CTNNA2: variants seen among roughly 807,000 people sequenced by gnomAD.
The protein encoded by CTNNA2 is catenin alpha-2.
CTNNA2 carries 42 observed loss-of-function variants against 101.0 expected under a neutral mutation model. The observed-to-expected ratio is 0.42, with a 90% CI of 0.32 to 0.54. CTNNA2 has a LOEUF of 0.54. Ranked by LOEUF, CTNNA2 falls within the 20% of genes least tolerant of loss-of-function variation. The probability of loss-of-function intolerance (pLI) is 0.14; values close to 1 mark genes in which losing one functional copy is unlikely to be tolerated. For missense variants in CTNNA2, 871 were observed against 1,223.1 expected, an observed-to-expected ratio of 0.71 and a Z score of 4.29; for synonymous variants, 450 against 456.4, an observed-to-expected ratio of 0.99 and a Z score of 0.18.
chr2:80,005,217 A>G (rs1693252136), intron 7 of CTNNA2, among the ~76,000 whole-genome samples: 1 of 152,186 alleles, frequency 6.6e-6, no homozygotes, highest in Non-Finnish European at 1.5e-5. Flanking sequence ...AGTTGTGTGC[A>G]TATAGCTGTG....
intron 4 of CTNNA2, among the ~76,000 whole-genome samples, chr2:79,413,234 G>C (rs1243699465): frequency 1.3e-5 from 2 of 151,950 alleles, no homozygotes; most frequent in Non-Finnish European, 2.9e-5. Context: ...AATTTGAAAA[G>C]AGCTGCAATT....
Position 80,596,601 on chromosome 2 carries a change from C to T in CTNNA2, c.2189+7116C>T, listed in dbSNP as rs189961222. On this transcript the variant is annotated intron_variant, in intron 15 of 18. Transcript: ENST00000402739. Reference sequence around the variant, plus strand: ...TGCTGGGATTACAGGCCTGAGCCACCGCACCAGGCCAACAAGGGGTTTTTC... The same window carrying T: ...TGCTGGGATTACAGGCCTGAGCCACTGCACCAGGCCAACAAGGGGTTTTTC... Among the ~76,000 whole-genome samples the T allele has an allele frequency of 6.6e-4, 101 of 151,940 alleles. No individual in the cohort carries two copies. The South Asian group carries it at 7.9e-3, about 12-fold the overall frequency.
At position 79,491,403 on chromosome 2, in the gene CTNNA2, A is replaced by G. The variant is rs79860131; in HGVS notation, c.-134-13651A>G. Among the ~76,000 whole-genome samples, 65 of 152,342 alleles carry G rather than the reference A, an allele frequency of 4.3e-4. 1 individual carries two copies. The East Asian group carries it at 0.013, about 29-fold the overall frequency. On this transcript the variant is annotated intron_variant, in intron 4 of 21. Transcript: ENST00000466387. ...AGTATATACCATCTTTGTTGAGAAC[A>G]CAGCTTCAAACACCAAGGAGATTTA...
chr2:80,304,927 AAAAG>A (rs1676772708), intron 7 of CTNNA2: 1 of 309,328 alleles, frequency 3.2e-6, no homozygotes, highest in Non-Finnish European at 4.7e-6. Flanking sequence ...AAAAAAAAAA[AAAAG>A]GAGGGGGGAG....
intron 7 of CTNNA2, among the ~76,000 whole-genome samples, chr2:80,163,732 T>TA (rs2148949794): frequency 6.6e-6 from 1 of 152,230 alleles, no homozygotes; most frequent in South Asian, 2.1e-4. Flanking sequence ...TCTACAGCAA[T>TA]AATTGTAGAG....
At chr2:79,693,834 T>A (rs1378782535) in intron 2 of CTNNA2, among the ~76,000 whole-genome samples, 1 of 151,890 alleles carries the variant, frequency 6.6e-6, no homozygotes, top group Non-Finnish European at 1.5e-5. Flanking sequence ...AAAGACAGAA[T>A]TGGATTCAGG....
chr2:79,995,799 C>T (rs1406373448), intron 7 of CTNNA2, among the ~76,000 whole-genome samples: 5 of 152,136 alleles, frequency 3.3e-5, no homozygotes, highest in African/African-American at 4.8e-5. Flanking sequence ...CCTGGGCAAC[C>T]GAGTGAAACC....
chr2:80,264,297 A>T (rs1366265437), intron 7 of CTNNA2, among the ~76,000 whole-genome samples: 1 of 152,050 alleles, frequency 6.6e-6, no homozygotes, highest in Admixed American at 6.5e-5. Flanking sequence ...TGATTTACAA[A>T]TAGTAATTGC....
At chr2:79,806,662 G>GTTTGCCTCTGGC (rs1273607250) in intron 3 of CTNNA2, among the ~76,000 whole-genome samples, 14 of 151,896 alleles carry the variant, frequency 9.2e-5, no homozygotes, top group African/African-American at 3.4e-4. Flanking sequence ...AGTCTCCCAC[G>GTTTGCCTCTGGC]TTTGCCTCTG....
At chr2:79,425,995 C>A (rs1246273777) in intron 4 of CTNNA2, among the ~76,000 whole-genome samples, 1 of 151,934 alleles carries the variant, frequency 6.6e-6, no homozygotes, top group African/African-American at 2.4e-5. Context: ...TTTTGTGGAC[C>A]GGCTGTAAGT....
At chr2:79,745,947 A>G (rs899431136) in intron 3 of CTNNA2, among the ~76,000 whole-genome samples, 5 of 152,060 alleles carry the variant, frequency 3.3e-5, no homozygotes, top group African/African-American at 1.2e-4. Context: ...ATCATATGAT[A>G]ATTATATTTT....
At chr2:79,495,144 A>G (rs1051652829) in intron 4 of CTNNA2, among the ~76,000 whole-genome samples, 1 of 152,068 alleles carries the variant, frequency 6.6e-6, no homozygotes, top group African/African-American at 2.4e-5. Flanking sequence ...AAAAAACAAC[A>G]ACTTTTGCGC....
chr2:80,369,758 C>T (rs764495899), intron 7 of CTNNA2, among the ~76,000 whole-genome samples: 1 of 152,040 alleles, frequency 6.6e-6, no homozygotes, highest in Non-Finnish European at 1.5e-5. Flanking sequence ...CAGAGAGAGA[C>T]GGAACTACAG....
At chr2:79,201,981 C>T (rs1454069353) in intron 2 of CTNNA2, among the ~76,000 whole-genome samples, 3 of 151,916 alleles carry the variant, frequency 2.0e-5, no homozygotes, top group Admixed American at 6.6e-5. Flanking sequence ...TAGTTCAGTC[C>T]GGTAATATGG....
intron 7 of CTNNA2, among the ~76,000 whole-genome samples, chr2:80,377,813 G>C (rs967295894): frequency 1.3e-5 from 2 of 152,172 alleles, no homozygotes; most frequent in African/African-American, 4.8e-5. Flanking sequence ...AAGCAGGTTG[G>C]TATGAGATTC....
chr2:79,763,191 A>C (rs774141054), intron 3 of CTNNA2, among the ~76,000 whole-genome samples: 1 of 152,008 alleles, frequency 6.6e-6, no homozygotes, highest in Non-Finnish European at 1.5e-5. Flanking sequence ...TAAATCTTCA[A>C]TTTGCATTTC....
At chr2:79,432,005 A>C (rs1678663782) in intron 4 of CTNNA2, among the ~76,000 whole-genome samples, 1 of 152,212 alleles carries the variant, frequency 6.6e-6, no homozygotes, top group South Asian at 2.1e-4. Flanking sequence ...GTACTACTGG[A>C]AAGATATTAT....
At chr2:79,311,497 T>G (rs1342226332) in intron 2 of CTNNA2, among the ~76,000 whole-genome samples, 2 of 151,294 alleles carry the variant, frequency 1.3e-5, no homozygotes, top group South Asian at 2.1e-4. Context: ...CACCTGTCAC[T>G]ATTGGTCAGA....
intron 3 of CTNNA2, among the ~76,000 whole-genome samples, chr2:79,750,383 T>G (rs1671940396): frequency 6.6e-6 from 1 of 152,180 alleles, no homozygotes; most frequent in African/African-American, 2.4e-5. Context: ...CTTCAAGATG[T>G]TTATAGCTCC....
Sources: gnomAD v4.1 joint callset for allele counts (sites outside exome capture counted in the v4.1 genomes callset) on GRCh38, gnomAD v4.1.1 for gene constraint, MANE v1.5 for transcripts, NCBI Gene and HGNC (gene_info 2026-07-23, HGNC 2026-07-21) for gene names.